Variants in MPLKIP observed in about 807,000 individuals in gnomAD.
The protein encoded by MPLKIP is M-phase-specific PLK1-interacting protein.
In MPLKIP, 16 loss-of-function variants were observed where a neutral mutation model predicts 16.9. The ratio of observed to expected loss-of-function variants is 0.94; its 90% CI spans 0.64 to 1.43. The LOEUF is 1.43. MPLKIP is among the 40% of genes most tolerant of loss of function. The pLI, the probability that MPLKIP is intolerant of heterozygous loss-of-function variation, is 0.00. For missense variants in MPLKIP, 282 were observed against 237.6 expected (o/e 1.19, Z -1.23); for synonymous variants, 126 against 98.4 (o/e 1.28, Z -1.66).
In MPLKIP at chr7:40,127,723, A is replaced by G. The variant is rs185783207; in HGVS notation, c.*5336T>C. On this transcript the variant is annotated 3_prime_UTR_variant, in exon 2 of 2. Coordinates refer to ENST00000306984, the MANE Select transcript of MPLKIP (RefSeq NM_138701.4). ...CAAAGCATCTTAAATTAGATGATAAATTATGGAAATTATGAGCAAAATAAA... is the reference window on the plus strand; with the variant it reads ...CAAAGCATCTTAAATTAGATGATAAGTTATGGAAATTATGAGCAAAATAAA... 1 of 152,268 alleles carries G rather than the reference A, an allele frequency of 6.6e-6. No homozygotes were observed. Among genetic ancestry groups the G allele is most frequent in the African/African-American group, 2.4e-5 (1 of 41,554 alleles). The allele number at this position is 152,268 out of a possible 1,614,324, so 9.4% of individuals were successfully genotyped here. A position where few individuals can be genotyped will look rare whatever the true frequency, so the allele number is the denominator to read the frequency against.
chr7:40,134,078 A>T, intron 1 of MPLKIP, 151 bp downstream of exon 1: 1 of 866,008 alleles, frequency 1.2e-6, no homozygotes, highest in Non-Finnish European at 1.8e-6. Context: ...GAAGTCACTC[A>T]ACTTCTCTAA....
intron 1 of MPLKIP, 82 bp from the exon 2 acceptor site, chr7:40,133,341 A>T: frequency 1.6e-6 from 2 of 1,214,028 alleles, no homozygotes; most frequent in Non-Finnish European, 2.4e-6. Context: ...AGCGGGAATC[A>T]CATTGCTGCT....
At position 40,134,561 on chromosome 7, in the gene MPLKIP, G is replaced by T. The variant is rs1025052999; in HGVS notation, c.7C>A (p.Arg3=). ...GGAGTTGGGGGCCGAAAATTCTGTC[G>T]CTGCATATCAGGAGCCAAAGCCGAA... MQ[R]QNFRPPTPPY... is the part of the protein sequence containing the mutation. Residue 3 remains arginine, a synonymous_variant, in exon 1 of 2, where the codon CGA becomes AGA. Transcript: ENST00000306984. 5 of 1,589,852 alleles carry T rather than the reference G, an allele frequency of 3.1e-6. No homozygotes were observed. Among genetic ancestry groups the T allele is most frequent in the Non-Finnish European group, 3.4e-6 (4 of 1,170,734 alleles).
At position 40,128,204 on chromosome 7, in the gene MPLKIP, T is replaced by G. The variant is rs1414918279; in HGVS notation, c.*4855A>C. 1 of 152,088 alleles carries G rather than the reference T, an allele frequency of 6.6e-6. No homozygotes were observed. Among genetic ancestry groups the G allele is most frequent in the Non-Finnish European group, 1.5e-5 (1 of 68,026 alleles). The allele number at this position is 152,088 out of a possible 1,614,324, so 9.4% of individuals were successfully genotyped here. A position where few individuals can be genotyped will look rare whatever the true frequency, so the allele number is the denominator to read the frequency against. On this transcript the variant is annotated 3_prime_UTR_variant, in exon 2 of 2. Coordinates refer to ENST00000306984, the MANE Select transcript of MPLKIP (RefSeq NM_138701.4). Reference sequence around the variant, plus strand: ...ATCTGTAACTGACTGAACAATCAATTAAGATAACTCACTACCTTCCAACCA... The same window carrying G: ...ATCTGTAACTGACTGAACAATCAATGAAGATAACTCACTACCTTCCAACCA...
chr7:40,128,397 A>G lies in MPLKIP; in HGVS notation c.*4662T>C, dbSNP rs2150558385. 6.6e-6 allele frequency: 1 copy of G among 152,312 alleles called. No homozygotes were observed. Among genetic ancestry groups the G allele is most frequent in the South Asian group, 2.1e-4 (1 of 4,826 alleles). 9.4% of individuals were successfully genotyped at this position (152,312 alleles called of 1,614,324 possible). A position where few individuals can be genotyped will look rare whatever the true frequency, so the allele number is the denominator to read the frequency against. ...TGGAATTTATAGAACCTAATAATAA[A>G]TGTACTGGCAAGGGTTAATGAAAAT... On this transcript the variant is annotated 3_prime_UTR_variant, in exon 2 of 2. Transcript: ENST00000306984.
rs764163833 is a variant in MPLKIP, at chr7:40,128,915, C to CAAAAAAAA, written c.*4136_*4143dup. 1.6e-3 allele frequency: 101 copies of CAAAAAAAA among 62,166 alleles called. No individual in the cohort carries two copies. The highest frequency in any genetic ancestry group is 1.9e-3 in the African/African-American group (30 of 16,170). 3.9% of individuals were successfully genotyped at this position (62,166 alleles called of 1,614,324 possible). ...TGGGTGACAGAACAAGACTTCGTCT[C>CAAAAAAAA]AAAAAAAAAAAAAAAAAAAAAAGAA... On this transcript the variant is annotated 3_prime_UTR_variant, in exon 2 of 2. Transcript: ENST00000306984.
At chr7:40,133,896 A>AG (rs1461085147) in intron 1 of MPLKIP, among the ~76,000 whole-genome samples, 1 of 149,812 alleles carries the variant, frequency 6.7e-6, no homozygotes, top group Non-Finnish European at 1.5e-5. Flanking sequence ...TAAAAAAAAA[A>AG]AAAAAAAAAA....
intron 1 of MPLKIP, 101 bp downstream of exon 1, chr7:40,134,128 T>C (rs965424143): frequency 2.9e-6 from 4 of 1,372,850 alleles, no homozygotes; most frequent in Non-Finnish European, 4.0e-6. Flanking sequence ...CTAACAATAG[T>C]ACCTCAGAGA....
In MPLKIP at chr7:40,130,693, T is replaced by A. The variant is rs1787450362; in HGVS notation, c.*2366A>T. On this transcript the variant is annotated 3_prime_UTR_variant, in exon 2 of 2. Coordinates refer to ENST00000306984, the MANE Select transcript of MPLKIP (RefSeq NM_138701.4). Reference sequence around the variant, plus strand: ...CAAATGTCATTTCCTAAAGACAACATTTCTTACCTATAAAGTTCAATAAAG... The same window carrying A: ...CAAATGTCATTTCCTAAAGACAACAATTCTTACCTATAAAGTTCAATAAAG... The A allele has an allele frequency of 1.3e-5, 2 of 152,210 alleles. No homozygotes were observed. The highest frequency in any genetic ancestry group is 1.3e-4 in the Admixed American group (2 of 15,266). 9.4% of individuals were successfully genotyped at this position (152,210 alleles called of 1,614,324 possible).
chr7:40,130,605 A>G lies in MPLKIP; in HGVS notation c.*2454T>C, dbSNP rs1421105234. 6.6e-6 allele frequency: 1 copy of G among 152,224 alleles called. No homozygotes were observed. Among genetic ancestry groups the G allele is most frequent in the Non-Finnish European group, 1.5e-5 (1 of 68,038 alleles). 9.4% of individuals were successfully genotyped at this position (152,224 alleles called of 1,614,324 possible). On this transcript the variant is annotated 3_prime_UTR_variant, in exon 2 of 2. Coordinates refer to ENST00000306984, the MANE Select transcript of MPLKIP (RefSeq NM_138701.4). ...TATAAATACACTGGCACAAAATCCT[A>G]ACTTCTGTTTTCGTCTTTACTAATA...
Position 40,134,575 on chromosome 7 carries a change from G to A in MPLKIP, c.-8C>T, listed in dbSNP as rs774779671. ...AAAATTCTGTCGCTGCATATCAGGA[G>A]CCAAAGCCGAAAACCTCGCAGCCGC... On this transcript the variant is annotated 5_prime_UTR_variant, in exon 1 of 2. Transcript: ENST00000306984. The A allele has an allele frequency of 9.5e-6, 15 of 1,581,990 alleles. No individual in the cohort carries two copies. The highest frequency in any genetic ancestry group is 3.4e-5 in the South Asian group (3 of 87,250).
At chr7:40,134,112 A>G (rs1387471229) in intron 1 of MPLKIP, 117 bp downstream of exon 1, 2 of 1,221,536 alleles carry the variant, frequency 1.6e-6, no homozygotes, top group South Asian at 2.7e-5. Context: ...CATCTGCAAA[A>G]TTGGGCTAAC....
rs372343532 is a variant in MPLKIP at position 40,133,120 on chromosome 7, A to C, written c.479T>G (p.Ile160Arg). The change falls in exon 2 of 2, where the codon ATA becomes AGA. Residue 160 changes from isoleucine (I) to arginine (R), a missense_variant. By Grantham distance (97) the Ile-to-Arg change is moderately conservative. Transcript: ENST00000306984. ...TTGAGTATTGCTGTATTGTTGGCTT[A>C]TATCCACTACAGATACTGGTTCTAG... ...AGLEPVSVVD[I>R]SQQYSNTQTF... 1 of 1,613,880 alleles carries C rather than the reference A, an allele frequency of 6.2e-7. No homozygotes were observed. The highest frequency in any genetic ancestry group is 1.3e-5 in the African/African-American group (1 of 74,922).
Position 40,128,050 on chromosome 7 carries a change from CAA to C in MPLKIP, c.*5007_*5008del. 1 of 151,496 alleles carries C rather than the reference CAA, an allele frequency of 6.6e-6. No homozygotes were observed. The highest frequency in any genetic ancestry group is 2.1e-4 in the South Asian group (1 of 4,806). The allele number at this position is 151,496 out of a possible 1,614,324, so 9.4% of individuals were successfully genotyped here. On this transcript the variant is annotated 3_prime_UTR_variant, in exon 2 of 2. Coordinates refer to ENST00000306984, the MANE Select transcript of MPLKIP (RefSeq NM_138701.4). ...ACAGTAAGACTCTGTCACACACACA[CAA>C]AAAAAGAGGTCATTAGGAAGTTCAG...
At position 40,129,281 on chromosome 7, in the gene MPLKIP, G is replaced by C. The variant is rs1345101821; in HGVS notation, c.*3778C>G. 3 of 149,144 alleles carry C rather than the reference G, an allele frequency of 2.0e-5. No individual in the cohort carries two copies. Among genetic ancestry groups the C allele is most frequent in the African/African-American group, 7.5e-5 (3 of 40,262 alleles). 9.2% of individuals were successfully genotyped at this position (149,144 alleles called of 1,614,324 possible). ...CTTATTTTTTTTTTTTTTTGAGATG[G>C]AGTATCACTCTGTCACCCAGGCTGG... On this transcript the variant is annotated 3_prime_UTR_variant, in exon 2 of 2. Transcript: ENST00000306984.
Position 40,133,058 on chromosome 7 carries a change from G to A in MPLKIP, c.*1C>T, listed in dbSNP as rs757716466. 1 of 1,613,246 alleles carries A rather than the reference G, an allele frequency of 6.2e-7. No individual in the cohort carries two copies. The highest frequency in any genetic ancestry group is 1.1e-5 in the South Asian group (1 of 91,062). On this transcript the variant is annotated 3_prime_UTR_variant, in exon 2 of 2. Coordinates refer to ENST00000306984, the MANE Select transcript of MPLKIP (RefSeq NM_138701.4). ...AAGCTTCCAGTTGAATTTCAGAAAT[G>A]TTAACAAAAGTATCTTCCTTTTTTG...
rs1787481228 is a variant in MPLKIP at position 40,132,896 on chromosome 7, T to C, written c.*163A>G. Reference sequence around the variant, plus strand: ...AAATGTTGCAAGTTATCCTACTTTTTTCTCTAATATCAACAATACCTGATA... The same window carrying C: ...AAATGTTGCAAGTTATCCTACTTTTCTCTCTAATATCAACAATACCTGATA... On this transcript the variant is annotated 3_prime_UTR_variant, in exon 2 of 2. Transcript: ENST00000306984. The C allele has an allele frequency of 3.0e-6, 2 of 671,790 alleles. No individual in the cohort carries two copies. Among genetic ancestry groups the C allele is most frequent in the Non-Finnish European group, 5.2e-6 (2 of 388,324 alleles). The allele number at this position is 671,790 out of a possible 1,614,324, so 41.6% of individuals were successfully genotyped here.
Position 40,133,930 on chromosome 7 carries a change from A to C in MPLKIP, c.339+299T>G, listed in dbSNP as rs1049171374. Among the ~76,000 whole-genome samples the C allele has an allele frequency of 2.0e-5, 3 of 152,166 alleles. No individual in the cohort carries two copies. The East Asian group carries it at 5.8e-4, about 29-fold the overall frequency. Reference sequence around the variant, plus strand: ...AAGAAAAAGAACTATTTCTTGAAACAAACTGGCAAGGCCTTTGGCAAACAG... The same window carrying C: ...AAGAAAAAGAACTATTTCTTGAAACCAACTGGCAAGGCCTTTGGCAAACAG... On this transcript the variant is annotated intron_variant, in intron 1 of 1. Transcript: ENST00000306984.
rs956465205 is a variant in MPLKIP at position 40,127,415 on chromosome 7, A to C, written c.*5644T>G. The stretch of plus-strand genomic sequence containing the variant: ...GGCGACAGGGCAAGACTCTGTCTCA[A>C]AAAACAAACAAACAAACAAAAAACA... On this transcript the variant is annotated 3_prime_UTR_variant, in exon 2 of 2. Transcript: ENST00000306984. 7.9e-5 allele frequency: 12 copies of C among 152,122 alleles called. No homozygotes were observed. Among genetic ancestry groups the C allele is most frequent in the African/African-American group, 2.7e-4 (11 of 41,336 alleles). The allele number at this position is 152,122 out of a possible 1,614,324, so 9.4% of individuals were successfully genotyped here.
Sources: gnomAD v4.1 joint callset for allele counts (sites outside exome capture counted in the v4.1 genomes callset) on GRCh38, gnomAD v4.1.1 for gene constraint, MANE v1.5 for transcripts, NCBI Gene and HGNC (gene_info 2026-07-23, HGNC 2026-07-21) for gene names.